VAV3: variants seen among roughly 807,000 people sequenced by gnomAD.
VAV3 encodes the protein guanine nucleotide exchange factor VAV3.
Under a neutral mutation model 131.2 loss-of-function variants are expected in VAV3, and 94 were observed. The ratio of observed to expected loss-of-function variants is 0.72; its 90% CI spans 0.61 to 0.85. The LOEUF (loss-of-function observed/expected upper bound fraction) is 0.85, where lower values mean the gene tolerates loss of function less well. Among genes scored for constraint, VAV3 ranks in the 40% least tolerant of loss-of-function variants. The pLI, the probability that VAV3 is intolerant of heterozygous loss-of-function variation, is 0.00. For missense variants in VAV3, 939 were observed against 1,002.7 expected (o/e 0.94, Z 0.86); for synonymous variants, 349 against 342.0 (o/e 1.02, Z -0.22).
intron 15 of VAV3, among the ~76,000 whole-genome samples, chr1:107,728,937 C>T (rs571975987): frequency 6.6e-6 from 1 of 152,196 alleles, no homozygotes; most frequent in East Asian, 1.9e-4. Context: ...GCAGAAAATC[C>T]ATTAGGTTGC....
chr1:107,574,175 T>C lies in VAV3; in HGVS notation c.2374A>G (p.Ile792Val). 6.2e-7 allele frequency: 1 copy of C among 1,613,854 alleles called. No individual in the cohort carries two copies. The highest frequency in any genetic ancestry group is 1.3e-5 in the African/African-American group (1 of 75,060). Residue 792 changes from isoleucine (I) to valine (V), a missense_variant, in exon 26 of 27, where the codon ATT becomes GTT. Ile to Val is a conservative substitution (Grantham distance 29, BLOSUM62 3). Coordinates refer to ENST00000370056, the MANE Select transcript of VAV3 (RefSeq NM_006113.5). ...NSLLSPKVLG[I>V]AIARYDFCAR... ...CAGAAGTCATACCGAGCGATGGCAATGCCCAGCACTTTTGGACTTAACACT... is the reference window on the plus strand; with the variant it reads ...CAGAAGTCATACCGAGCGATGGCAACGCCCAGCACTTTTGGACTTAACACT...
At chr1:107,842,874 T>C (rs768262727) in intron 2 of VAV3, among the ~76,000 whole-genome samples, 17 of 152,152 alleles carry the variant, frequency 1.1e-4, no homozygotes, top group Non-Finnish European at 1.8e-4. Flanking sequence ...AATATTAACA[T>C]AATATGGAAA....
At chr1:107,671,027 G>T (rs1432880115) in intron 19 of VAV3, among the ~76,000 whole-genome samples, 1 of 152,200 alleles carries the variant, frequency 6.6e-6, no homozygotes, top group African/African-American at 2.4e-5. Context: ...TGGCATTACA[G>T]TTTTTTGAAA....
At chr1:107,912,987 G>A (rs779875983) in intron 1 of VAV3, among the ~76,000 whole-genome samples, 46 of 152,096 alleles carry the variant, frequency 3.0e-4, no homozygotes, top group Non-Finnish European at 6.3e-4. Flanking sequence ...TTCTCTCCAG[G>A]TCTAATATGA....
intron 5 of VAV3, among the ~76,000 whole-genome samples, chr1:107,771,248 G>C (rs1316142118): frequency 7.0e-6 from 1 of 142,288 alleles, no homozygotes; most frequent in South Asian, 2.2e-4. Context: ...CAGTTTTCTT[G>C]TCAGCTTTTT....
chr1:107,587,733 G>C (rs1650613648), intron 25 of VAV3, among the ~76,000 whole-genome samples: 2 of 152,116 alleles, frequency 1.3e-5, no homozygotes, highest in Admixed American at 1.3e-4. Context: ...TGGGATTACA[G>C]ATGCGTGCCA....
intron 2 of VAV3, among the ~76,000 whole-genome samples, chr1:107,816,068 G>A (rs1242448814): frequency 6.6e-6 from 1 of 152,180 alleles, no homozygotes; most frequent in African/African-American, 2.4e-5. Context: ...AGGCAGTAAT[G>A]CTCGCTCATC....
chr1:107,712,867 T>C (rs998949903), intron 15 of VAV3, among the ~76,000 whole-genome samples: 7 of 152,150 alleles, frequency 4.6e-5, no homozygotes, highest in African/African-American at 1.4e-4. Context: ...TTAGGAAAAC[T>C]TGAAACGTAA....
At chr1:107,591,106 C>G (rs1440791081) in intron 25 of VAV3, among the ~76,000 whole-genome samples, 2 of 152,126 alleles carry the variant, frequency 1.3e-5, no homozygotes, top group Non-Finnish European at 2.9e-5. Context: ...GACCTCTTTG[C>G]TATGCAGGTT....
chr1:107,712,605 T>C (rs1442826598), intron 15 of VAV3, among the ~76,000 whole-genome samples: 1 of 152,216 alleles, frequency 6.6e-6, no homozygotes, highest in East Asian at 1.9e-4. Flanking sequence ...GGGGACCGAA[T>C]ATGTGCAAGG....
chr1:107,693,306 C>G (rs774532567), intron 17 of VAV3, among the ~76,000 whole-genome samples: 5 of 152,262 alleles, frequency 3.3e-5, no homozygotes, highest in Middle Eastern at 3.4e-3. Context: ...AAGACATAAA[C>G]TAATCATCCA....
intron 2 of VAV3, among the ~76,000 whole-genome samples, chr1:107,838,358 A>G (rs934535175): frequency 6.6e-6 from 1 of 152,196 alleles, no homozygotes; most frequent in African/African-American, 2.4e-5. Flanking sequence ...AATGTTCAAC[A>G]TCACTAATCA....
rs1013725032 is a variant in VAV3, at chr1:107,704,541, A to G, written c.1705+9T>C. On this transcript the variant is annotated intron_variant, in intron 17 of 26. Coordinates refer to ENST00000370056, the MANE Select transcript of VAV3 (RefSeq NM_006113.5). Reference sequence around the variant, plus strand: ...TAAAAACAGAATTGCAACAATAAACATGACTTACCACCAGAATTAACTCTG... The same window carrying G: ...TAAAAACAGAATTGCAACAATAAACGTGACTTACCACCAGAATTAACTCTG... 2 of 1,607,908 alleles carry G rather than the reference A, an allele frequency of 1.2e-6. No homozygotes were observed. Among genetic ancestry groups the G allele is most frequent in the Non-Finnish European group, 1.7e-6 (2 of 1,175,292 alleles).
chr1:107,720,093 G>A (rs1222747712), intron 15 of VAV3, among the ~76,000 whole-genome samples: 2 of 152,052 alleles, frequency 1.3e-5, no homozygotes, highest in East Asian at 3.8e-4. Flanking sequence ...ATAGCATTAG[G>A]AGAAATACCT....
rs1474389416 is a variant in VAV3 at position 107,573,486 on chromosome 1, G to A, written c.2503-114C>T. 3.2e-6 allele frequency: 4 copies of A among 1,239,992 alleles called. No individual in the cohort carries two copies. The African/African-American group carries it at 4.5e-5, about 14-fold the overall frequency. The allele number at this position is 1,239,992 out of a possible 1,614,324, so 76.8% of individuals were successfully genotyped here. On this transcript the variant is annotated intron_variant, in intron 26 of 26. Coordinates refer to ENST00000370056, the MANE Select transcript of VAV3 (RefSeq NM_006113.5). The stretch of plus-strand genomic sequence containing the variant: ...CACCCCAATTAAACTGGGGTTTTAT[G>A]TCCATTGTAGGTGAGAAGATTGGTT...
At chr1:107,964,615 A>G in intron 1 of VAV3, 51 bp downstream of exon 1, 1 of 1,580,812 alleles carries the variant, frequency 6.3e-7, no homozygotes, top group Non-Finnish European at 8.6e-7. Flanking sequence ...TAGCCGCATG[A>G]TTAATGGGAG....
chr1:107,595,072 C>A (rs1205713841), intron 25 of VAV3, among the ~76,000 whole-genome samples: 1 of 151,972 alleles, frequency 6.6e-6, no homozygotes, highest in African/African-American at 2.4e-5. Context: ...AAAAATTATG[C>A]CTATTTGAGA....
intron 1 of VAV3, among the ~76,000 whole-genome samples, chr1:107,956,533 C>A (rs1674825526): frequency 1.3e-5 from 2 of 151,986 alleles, no homozygotes; most frequent in South Asian, 4.2e-4. Context: ...TATCACACAG[C>A]CTTTGGAAAA....
chr1:107,575,612 A>G (rs1649591257), intron 25 of VAV3, among the ~76,000 whole-genome samples: 1 of 152,208 alleles, frequency 6.6e-6, no homozygotes, highest in African/African-American at 2.4e-5. Flanking sequence ...CTACTGTTAG[A>G]GTCGGTGCAC....
Sources: allele counts gnomAD v4.1 joint callset (sites outside exome capture counted in the v4.1 genomes callset), GRCh38; gene constraint gnomAD v4.1.1; transcripts MANE v1.5; gene names NCBI Gene and HGNC (gene_info 2026-07-23, HGNC 2026-07-21).